The following FBLN2 variants were observed in gnomAD, a reference collection of about 807,000 sequenced individuals.
FBLN2 encodes the protein fibulin 2.
In FBLN2, 81 loss-of-function variants were observed where a neutral mutation model predicts 123.7. The observed-to-expected ratio is 0.65, with a 90% CI of 0.55 to 0.79. The LOEUF (loss-of-function observed/expected upper bound fraction) is 0.79. FBLN2 is among the 30% of genes least tolerant of loss of function. The pLI, the probability that FBLN2 is intolerant of heterozygous loss-of-function variation, is 0.00. For synonymous variants in FBLN2, 699 were observed against 701.4 expected, an observed-to-expected ratio of 1.00 and a Z score of 0.05; for missense variants, 1,603 against 1,681.3, an observed-to-expected ratio of 0.95 and a Z score of 0.81.
At chr3:13,568,526 A>AGGCTGGAAG (rs1574948067) in intron 1 of FBLN2, among the ~76,000 whole-genome samples, 2 of 152,318 alleles carry the variant, frequency 1.3e-5, no homozygotes, top group East Asian at 3.9e-4. Context: ...CCCTCACAGC[A>AGGCTGGAAG]GGCTGGAAGC....
At chr3:13,597,849 G>T (rs546470428) in intron 2 of FBLN2, among the ~76,000 whole-genome samples, 21 of 152,336 alleles carry the variant, frequency 1.4e-4, no homozygotes, top group Admixed American at 5.9e-4. Context: ...GAAGTCAACC[G>T]TGGCAGTGTG....
At chr3:13,598,264 A>G (rs1704911074) in intron 2 of FBLN2, among the ~76,000 whole-genome samples, 1 of 152,250 alleles carries the variant, frequency 6.6e-6, no homozygotes, top group South Asian at 2.1e-4. Context: ...GCTATTTGCC[A>G]TGCAATGAGT....
chr3:13,569,301 T>TC (rs1471744307), intron 1 of FBLN2, among the ~76,000 whole-genome samples: 1 of 133,078 alleles, frequency 7.5e-6, no homozygotes, highest in Non-Finnish European at 1.5e-5. Context: ...CAGCTGGGAA[T>TC]CCAGACCTTT....
At chr3:13,623,124 G>A (rs1382886439) in intron 9 of FBLN2, among the ~76,000 whole-genome samples, 1 of 152,216 alleles carries the variant, frequency 6.6e-6, no homozygotes, top group East Asian at 1.9e-4. Flanking sequence ...CTGCAGACAT[G>A]TTTGCCCTAG....
rs1362022448 is a variant in FBLN2 at position 13,637,836 on chromosome 3, G to T, written c.3613G>T (p.Val1205Leu). 6.2e-7 allele frequency: 1 copy of T among 1,613,312 alleles called. No individual in the cohort carries two copies. Among genetic ancestry groups the T allele is most frequent in the Non-Finnish European group, 8.5e-7 (1 of 1,179,390 alleles). ...GGAGCCCCGGGACTTTGCCCTGGACGTGGAGATGAAGCTCTGGAGGCAGGG... is the reference window on the plus strand; with the variant it reads ...GGAGCCCCGGGACTTTGCCCTGGACTTGGAGATGAAGCTCTGGAGGCAGGG... The part of the protein sequence containing the change: ...VLEPRDFALD[V>L]EMKLWRQGSV... The change falls in exon 18 of 18, where the codon GTG (valine) becomes TTG (leucine). Residue 1205 changes from valine (V) to leucine (L), a missense_variant. By Grantham distance (32) the Val-to-Leu change is conservative (BLOSUM62 1). Transcript: ENST00000404922.
intron 8 of FBLN2, among the ~76,000 whole-genome samples, 174 bp downstream of exon 8, chr3:13,620,005 T>C (rs1012190096): frequency 6.6e-6 from 1 of 152,192 alleles, no homozygotes; most frequent in Non-Finnish European, 1.5e-5. Flanking sequence ...CCTCTCACCG[T>C]ACGTGCGGTG....
At chr3:13,585,210 A>G (rs941703568) in intron 2 of FBLN2, among the ~76,000 whole-genome samples, 1 of 152,178 alleles carries the variant, frequency 6.6e-6, no homozygotes, top group Non-Finnish European at 1.5e-5. Flanking sequence ...ACCCCCCACC[A>G]GCCGTGGCCA....
At chr3:13,607,129 A>C (rs1312321303) in intron 2 of FBLN2, among the ~76,000 whole-genome samples, 1 of 152,124 alleles carries the variant, frequency 6.6e-6, no homozygotes, top group Non-Finnish European at 1.5e-5. Flanking sequence ...CTGGGATTAC[A>C]GGTGCCTGCC....
intron 2 of FBLN2, among the ~76,000 whole-genome samples, chr3:13,586,442 C>T (rs1048024026): frequency 6.7e-6 from 1 of 150,150 alleles, no homozygotes; most frequent in African/African-American, 2.5e-5. Context: ...CTAGGCCTCT[C>T]AAAGGGTTGG....
At chr3:13,580,581 G>T (rs1704293510) in intron 2 of FBLN2, among the ~76,000 whole-genome samples, 1 of 152,148 alleles carries the variant, frequency 6.6e-6, no homozygotes, top group Non-Finnish European at 1.5e-5. Context: ...AGTCTGAGAG[G>T]TGGGGAGCAG....
At chr3:13,614,359 C>T (rs1232462595) in intron 5 of FBLN2, among the ~76,000 whole-genome samples, 195 bp downstream of exon 5, 1 of 152,156 alleles carries the variant, frequency 6.6e-6, no homozygotes, top group Non-Finnish European at 1.5e-5. Flanking sequence ...AACTACCACC[C>T]ATCACCCTTT....
chr3:13,578,967 A>C (rs142805913), intron 2 of FBLN2, among the ~76,000 whole-genome samples: 1,668 of 152,344 alleles, frequency 0.011, 28 homozygotes, highest in African/African-American at 0.037. Context: ...AGGCAGGAGA[A>C]TCGCTTGAAC....
intron 1 of FBLN2, among the ~76,000 whole-genome samples, chr3:13,556,240 C>T (rs1574940198): frequency 6.6e-6 from 1 of 152,144 alleles, no homozygotes; most frequent in African/African-American, 2.4e-5. Context: ...GAAGTCTAAG[C>T]CCTAGATTTC....
At chr3:13,553,556 TG>T (rs1703382835) in intron 1 of FBLN2, among the ~76,000 whole-genome samples, 1 of 152,346 alleles carries the variant, frequency 6.6e-6, no homozygotes, top group African/African-American at 2.4e-5. Flanking sequence ...GGGCCCCTCG[TG>T]GGTCAAGCCG....
At chr3:13,570,174 G>A (rs535610073) in intron 1 of FBLN2, 141 bp from the exon 2 acceptor site, 260 of 836,178 alleles carry the variant, frequency 3.1e-4, no homozygotes, top group Non-Finnish European at 4.4e-4. Flanking sequence ...TGTGTGTGAG[G>A]CAGTGCTTAG....
At chr3:13,598,011 G>A (rs1172899724) in intron 2 of FBLN2, among the ~76,000 whole-genome samples, 2 of 152,242 alleles carry the variant, frequency 1.3e-5, no homozygotes, top group Non-Finnish European at 2.9e-5. Flanking sequence ...GGAAGGCATT[G>A]CTCCCCCTCG....
chr3:13,571,103 G>A lies in FBLN2; in HGVS notation c.748G>A (p.Val250Ile). ...CATCCAGGCACCCCCCTGGCCAGCTGTCCTCCCCAGGCCCACAGCGGCTGC... is the reference window on the plus strand; with the variant it reads ...CATCCAGGCACCCCCCTGGCCAGCTATCCTCCCCAGGCCCACAGCGGCTGC... ...STIQAPPWPA[V>I]LPRPTAAAAL... Residue 250 changes from valine to isoleucine, a missense_variant, in exon 2 of 18, where the codon GTC becomes ATC. Transcript: ENST00000404922. 6.4e-7 allele frequency: 1 copy of A among 1,553,066 alleles called. No homozygotes were observed. The highest frequency in any genetic ancestry group is 8.7e-7 in the Non-Finnish European group (1 of 1,148,444).
At chr3:13,626,742 G>A (rs923750433) in intron 10 of FBLN2, among the ~76,000 whole-genome samples, 163 bp downstream of exon 10, 1 of 151,786 alleles carries the variant, frequency 6.6e-6, no homozygotes, top group Non-Finnish European at 1.5e-5. Context: ...TGGGTTTCCT[G>A]CTGGTGGGAA....
intron 5 of FBLN2, among the ~76,000 whole-genome samples, chr3:13,615,822 C>T (rs73150608): frequency 0.037 from 5,677 of 152,314 alleles, 380 homozygotes; most frequent in African/African-American, 0.13. Context: ...ATGACTCCCA[C>T]TTCTGCCCCA....
Sources: allele counts gnomAD v4.1 joint callset (sites outside exome capture counted in the v4.1 genomes callset), GRCh38; gene constraint gnomAD v4.1.1; transcripts MANE v1.5; gene names NCBI Gene and HGNC (gene_info 2026-07-23, HGNC 2026-07-21).